PTGES: variants seen among roughly 807,000 people sequenced by gnomAD.
PTGES encodes the protein MGST1-like 1.
PTGES carries 3 observed loss-of-function variants against 11.8 expected under a neutral mutation model. That is an observed-to-expected ratio of 0.25 (90% CI 0.12 to 0.66). The LOEUF is 0.66. Among genes scored for constraint, PTGES ranks in the 30% least tolerant of loss-of-function variants. The pLI, the probability that PTGES is intolerant of heterozygous loss-of-function variation, is 0.82. For synonymous variants in PTGES, 94 were observed against 90.4 expected (o/e 1.04, Z -0.22); for missense variants, 180 against 213.0 (o/e 0.85, Z 0.96).
At chr9:129,741,012 C>T (rs1832989511) in intron 2 of PTGES, among the ~76,000 whole-genome samples, 1 of 152,226 alleles carries the variant, frequency 6.6e-6, no homozygotes, top group Non-Finnish European at 1.5e-5. Flanking sequence ...TTCCCTCTCA[C>T]TGGCAAGACG....
At chr9:129,744,799 C>A (rs1248634317) in intron 2 of PTGES, among the ~76,000 whole-genome samples, 2 of 151,852 alleles carry the variant, frequency 1.3e-5, no homozygotes, top group East Asian at 1.9e-4. Flanking sequence ...ATCACTTGAA[C>A]CCGGGAGGCG....
intron 2 of PTGES, among the ~76,000 whole-genome samples, chr9:129,742,942 CA>C (rs778798640): frequency 2.6e-4 from 39 of 151,900 alleles, no homozygotes; most frequent in Non-Finnish European, 5.0e-4. Context: ...AGTTCACAAA[CA>C]TAGCCAAACC....
At chr9:129,744,613 T>C (rs10819564) in intron 2 of PTGES, among the ~76,000 whole-genome samples, 14,009 of 147,494 alleles carry the variant, frequency 0.095, 706 homozygotes, top group East Asian at 0.2. Flanking sequence ...AGGTGGCTCA[T>C]GCCTGTAATC....
chr9:129,741,303 C>A (rs777707398), intron 2 of PTGES, among the ~76,000 whole-genome samples: 2 of 152,108 alleles, frequency 1.3e-5, no homozygotes, highest in African/African-American at 4.8e-5. Flanking sequence ...GTGCGGTGCA[C>A]AAGAGGGAGT....
chr9:129,744,902 G>A (rs1268614503), intron 2 of PTGES, among the ~76,000 whole-genome samples: 1 of 151,850 alleles, frequency 6.6e-6, no homozygotes, highest in Non-Finnish European at 1.5e-5. Flanking sequence ...TTTTTTTTGA[G>A]TACTTCGTGG....
rs201024739 is a variant in PTGES at position 129,748,644 on chromosome 9, G to T, written c.209+11C>A. 3.2e-6 allele frequency: 5 copies of T among 1,564,748 alleles called. No homozygotes were observed. The highest frequency in any genetic ancestry group is 4.3e-6 in the Non-Finnish European group (5 of 1,161,706). On this transcript the variant is annotated intron_variant, in intron 2 of 2. Transcript: ENST00000340607. ...CCAGGTGTGGCCAGGCCAGGGGCCC[G>T]AAGTACTTGCCTGAGGCAGCGTTCC... is the stretch of plus-strand genomic sequence containing the variant.
At chr9:129,743,989 C>G (rs766489373) in intron 2 of PTGES, among the ~76,000 whole-genome samples, 11 of 152,154 alleles carry the variant, frequency 7.2e-5, no homozygotes, top group Non-Finnish European at 1.3e-4. Flanking sequence ...GCTGAGACTA[C>G]AGGCGAGCCC....
rs200667553 is a variant in PTGES at position 129,739,526 on chromosome 9, A to G, written c.*85T>C. 6 of 1,480,324 alleles carry G rather than the reference A, an allele frequency of 4.1e-6. No individual in the cohort carries two copies. Among genetic ancestry groups the G allele is most frequent in the Non-Finnish European group, 5.4e-6 (6 of 1,114,322 alleles). The allele number at this position is 1,480,324 out of a possible 1,614,324, so 91.7% of individuals were successfully genotyped here. A position where few individuals can be genotyped will look rare whatever the true frequency, so the allele number is the denominator to read the frequency against. On this transcript the variant is annotated 3_prime_UTR_variant, in exon 3 of 3. Coordinates refer to ENST00000340607, the MANE Select transcript of PTGES (RefSeq NM_004878.5). This position sits in a 1 kb window ranked among gnomAD's most constrained non-coding sequence, Gnocchi z 5.7. ...AAACCAGGACTCAGGGCCCACCACA[A>G]TCTGGAAGGAACATCAAGTCCCCAG...
rs1207772292 is a variant in PTGES, at chr9:129,739,584, G to C, written c.*27C>G. On this transcript the variant is annotated 3_prime_UTR_variant, in exon 3 of 3. Coordinates refer to ENST00000340607, the MANE Select transcript of PTGES (RefSeq NM_004878.5). This position sits in a 1 kb window ranked among gnomAD's most constrained non-coding sequence, Gnocchi z 5.7. Reference sequence around the variant, plus strand: ...CACGGCGGCTCTTGGCCCATGGTCTGGTGGCCAAGGAGGCATCAGCTGCTG... The same window carrying C: ...CACGGCGGCTCTTGGCCCATGGTCTCGTGGCCAAGGAGGCATCAGCTGCTG... The C allele has an allele frequency of 1.9e-6, 3 of 1,543,590 alleles. No individual in the cohort carries two copies. Among genetic ancestry groups the C allele is most frequent in the Non-Finnish European group, 2.6e-6 (3 of 1,142,916 alleles).
At position 129,739,812 on chromosome 9, in the gene PTGES, GC is replaced by G; in HGVS notation, c.257del (p.Gly86AlafsTer43). 1 of 1,571,398 alleles carries G rather than the reference GC, an allele frequency of 6.4e-7. No homozygotes were observed. Among genetic ancestry groups the G allele is most frequent in the Non-Finnish European group, 8.6e-7 (1 of 1,157,892 alleles). On this transcript the variant is annotated frameshift_variant, in exon 3 of 3. Coordinates refer to ENST00000340607, the MANE Select transcript of PTGES (RefSeq NM_004878.5). LOFTEE classifies it high-confidence loss of function. This position sits in a 1 kb window ranked among gnomAD's most constrained non-coding sequence, Gnocchi z 5.7. ...TAGGACCCAGAAAGGAGTAGACGAA[GC>G]CCAGGAAAAGGAAGGGGTAGATGGT... The part of the protein sequence containing the change: ...METIYPFLFL[G>X]FVYSFLGPNP...
At chr9:129,746,482 G>A (rs1028987992) in intron 2 of PTGES, among the ~76,000 whole-genome samples, 3 of 152,020 alleles carry the variant, frequency 2.0e-5, no homozygotes, top group African/African-American at 7.3e-5. Flanking sequence ...GATTTGAAAG[G>A]GTAAAATAGC....
chr9:129,751,691 C>T (rs1833111216), intron 1 of PTGES, among the ~76,000 whole-genome samples: 1 of 152,030 alleles, frequency 6.6e-6, no homozygotes, highest in African/African-American at 2.4e-5. Flanking sequence ...AAACCCCCGC[C>T]TCCAAGACAG....
chr9:129,750,601 C>G (rs45589837), intron 1 of PTGES, among the ~76,000 whole-genome samples: 3,600 of 152,278 alleles, frequency 0.024, 147 homozygotes, highest in African/African-American at 0.081. Context: ...CCAGTGTCAG[C>G]GGCCGAGGTG....
chr9:129,747,177 A>G (rs549296885), intron 2 of PTGES, among the ~76,000 whole-genome samples: 2 of 152,374 alleles, frequency 1.3e-5, no homozygotes, highest in Admixed American at 1.3e-4. Context: ...TATAGGCATG[A>G]GCCACCACAT....
rs1375937918 is a variant in PTGES, at chr9:129,738,961, C to CCT, written c.*649_*650insAG. ...ACCCTCCTGGGCAACATGGTGAACC[C>CCT]GTCTCTACTAAAAATACAAAAATTA... On this transcript the variant is annotated 3_prime_UTR_variant, in exon 3 of 3. Transcript: ENST00000340607. The surrounding 1 kb of genome is among the most constrained non-coding windows in gnomAD (Gnocchi z 4.2). 6.6e-6 allele frequency: 1 copy of CCT among 152,436 alleles called. No homozygotes were observed. The highest frequency in any genetic ancestry group is 2.4e-5 in the African/African-American group (1 of 41,418). The allele number at this position is 152,436 out of a possible 1,614,324, so 9.4% of individuals were successfully genotyped here.
chr9:129,747,776 G>A lies in PTGES; in HGVS notation c.209+879C>T, dbSNP rs140102743. Reference sequence around the variant, plus strand: ...TGTAATCCTAGCAGTTTGGGAGGCCGAGGCGGACAGATCATCTGAGGTCAG... The same window carrying A: ...TGTAATCCTAGCAGTTTGGGAGGCCAAGGCGGACAGATCATCTGAGGTCAG... On this transcript the variant is annotated intron_variant, in intron 2 of 2. Transcript: ENST00000340607. Among the ~76,000 whole-genome samples, 143 of 152,078 alleles carry A rather than the reference G, an allele frequency of 9.4e-4. 1 individual carries two copies. Among genetic ancestry groups the A allele is most frequent in the African/African-American group, 3.3e-3 (138 of 41,498 alleles).
intron 1 of PTGES, 131 bp downstream of exon 1, chr9:129,752,756 G>C (rs1174836511): frequency 1.4e-6 from 2 of 1,391,496 alleles, no homozygotes; most frequent in Non-Finnish European, 2.0e-6. Context: ...CCCCCGGCGG[G>C]GCTGGAAGAG....
chr9:129,746,402 A>C (rs1200193352), intron 2 of PTGES, among the ~76,000 whole-genome samples: 1 of 152,210 alleles, frequency 6.6e-6, no homozygotes. Flanking sequence ...TTGAAAGTAC[A>C]GCCAGTGCTT....
At chr9:129,751,005 A>G (rs1005683354) in intron 1 of PTGES, among the ~76,000 whole-genome samples, 11 of 151,920 alleles carry the variant, frequency 7.2e-5, no homozygotes, top group African/African-American at 2.7e-4. Flanking sequence ...GGACAGGTTC[A>G]CCTCCTCCCT....
Sources: gnomAD v4.1 joint callset for allele counts (sites outside exome capture counted in the v4.1 genomes callset) on GRCh38, gnomAD v4.1.1 for gene constraint, Gnocchi (gnomAD v3.1) non-coding constraint, MANE v1.5 for transcripts, NCBI Gene and HGNC (gene_info 2026-07-23, HGNC 2026-07-21) for gene names.